Variants in MYT1L observed in about 807,000 individuals in gnomAD.
MYT1L encodes the protein myelin transcription factor 1-like protein.
MYT1L carries 12 observed loss-of-function variants against 126.7 expected under a neutral mutation model. That is an observed-to-expected ratio of 0.09 (90% CI 0.06 to 0.15). The LOEUF is 0.15. MYT1L is among the 10% of genes least tolerant of loss of function. MYT1L has a pLI of 1.00. For synonymous variants in MYT1L, 541 were observed against 604.2 expected, an observed-to-expected ratio of 0.90 and a Z score of 1.53; for missense variants, 979 against 1,585.2, an observed-to-expected ratio of 0.62 and a Z score of 6.49.
chr2:2,060,005 G>A (rs1990854), intron 3 of MYT1L, among the ~76,000 whole-genome samples: 1,921 of 152,306 alleles, frequency 0.013, 39 homozygotes, highest in African/African-American at 0.044. Context: ...CCAGAACTGG[G>A]CCCACTGCAG....
intron 3 of MYT1L, among the ~76,000 whole-genome samples, chr2:2,138,155 C>T (rs554269857): frequency 6.6e-6 from 1 of 152,282 alleles, no homozygotes; most frequent in South Asian, 2.1e-4. Context: ...TATCATCTCA[C>T]ACCAGTTAGA....
At chr2:2,031,568 G>A (rs1166153310) in intron 4 of MYT1L, among the ~76,000 whole-genome samples, 1 of 147,560 alleles carries the variant, frequency 6.8e-6, no homozygotes, top group Non-Finnish European at 1.5e-5. Context: ...TCTAGAAGGA[G>A]GGCCTTACAC....
chr2:1,791,744 T>C lies in MYT1L; in HGVS notation c.*123A>G. The stretch of plus-strand genomic sequence containing the variant: ...AAGACATAAAATCATTATGAAGTCT[T>C]GTAAGCATAACACTGTTTCAAATTC... On this transcript the variant is annotated 3_prime_UTR_variant, in exon 25 of 25. Transcript: ENST00000647738. This position sits in a 1 kb window ranked among gnomAD's most constrained non-coding sequence, Gnocchi z 6.0. The C allele has an allele frequency of 2.0e-6, 2 of 998,918 alleles. No homozygotes were observed. Among genetic ancestry groups the C allele is most frequent in the Non-Finnish European group, 2.8e-6 (2 of 702,534 alleles). The allele number at this position is 998,918 out of a possible 1,614,324, so 61.9% of individuals were successfully genotyped here. A position where few individuals can be genotyped will look rare whatever the true frequency, so the allele number is the denominator to read the frequency against.
At chr2:2,169,809 T>A (rs1218961598) in intron 3 of MYT1L, among the ~76,000 whole-genome samples, 2 of 152,160 alleles carry the variant, frequency 1.3e-5, no homozygotes, top group African/African-American at 4.8e-5. Context: ...GAAGATGTTT[T>A]CTTTTGGCTT....
chr2:1,818,371 G>A (rs1195657114), intron 21 of MYT1L, among the ~76,000 whole-genome samples: 4 of 152,052 alleles, frequency 2.6e-5, no homozygotes, highest in Non-Finnish European at 5.9e-5. Context: ...ACACAGCCAG[G>A]GGCAAACAGT....
At chr2:2,226,838 A>G (rs1222896021) in intron 2 of MYT1L, among the ~76,000 whole-genome samples, 1 of 152,124 alleles carries the variant, frequency 6.6e-6, no homozygotes, top group Non-Finnish European at 1.5e-5. Flanking sequence ...GCCAGGGTGG[A>G]CTTCATGGTC....
intron 3 of MYT1L, among the ~76,000 whole-genome samples, chr2:2,135,037 C>A (rs1301476013): frequency 6.6e-6 from 1 of 152,156 alleles, no homozygotes; most frequent in Non-Finnish European, 1.5e-5. Context: ...AAATTCAGTT[C>A]CCTTCTCTGC....
intron 3 of MYT1L, among the ~76,000 whole-genome samples, chr2:2,154,589 AT>A (rs2086402464): frequency 1.3e-5 from 2 of 152,228 alleles, no homozygotes; most frequent in Admixed American, 6.5e-5. Flanking sequence ...AGAAAACCAA[AT>A]ACCGCATGTT....
chr2:2,156,096 T>C (rs992847169), intron 3 of MYT1L, among the ~76,000 whole-genome samples: 6 of 152,212 alleles, frequency 3.9e-5, no homozygotes, highest in Non-Finnish European at 8.8e-5. Context: ...TTACCTTAAA[T>C]GTGTTCTTCC....
intron 1 of MYT1L, among the ~76,000 whole-genome samples, chr2:2,296,786 A>G (rs779652895): frequency 9.9e-5 from 15 of 152,176 alleles, no homozygotes; most frequent in Non-Finnish European, 1.9e-4. Flanking sequence ...TGGAGACACC[A>G]TACAGTGCAC....
intron 8 of MYT1L, among the ~76,000 whole-genome samples, chr2:1,948,593 T>C (rs1182893252): frequency 2.0e-5 from 3 of 152,220 alleles, no homozygotes; most frequent in Non-Finnish European, 4.4e-5. Context: ...CCTGCCCTCG[T>C]ATTCTGTGAA....
intron 4 of MYT1L, among the ~76,000 whole-genome samples, chr2:2,039,667 C>T (rs1406049897): frequency 6.6e-6 from 1 of 152,200 alleles, no homozygotes; most frequent in Non-Finnish European, 1.5e-5. Flanking sequence ...ACAACTTTAA[C>T]AGAAGACTGG....
At chr2:2,248,521 C>T (rs1488879909) in intron 2 of MYT1L, among the ~76,000 whole-genome samples, 2 of 151,988 alleles carry the variant, frequency 1.3e-5, no homozygotes, top group Non-Finnish European at 2.9e-5. Context: ...TTCCAAACTC[C>T]TTCTATGAGG....
chr2:2,224,859 T>A lies in MYT1L; in HGVS notation c.-420-51871A>T, dbSNP rs1274370420. On this transcript the variant is annotated intron_variant, in intron 2 of 24. Transcript: ENST00000647738. The surrounding 1 kb of genome is among the most constrained non-coding windows in gnomAD (Gnocchi z 4.0). ...AAAGGAAAATAAATGTTTCAAATCC[T>A]TGAGAAAGGTCTTAACCAGGGCTAG... 6.6e-6 allele frequency among the ~76,000 whole-genome samples: 1 copy of A among 151,900 alleles called. No homozygotes were observed. The highest frequency in any genetic ancestry group is 1.5e-5 in the Non-Finnish European group (1 of 67,960).
chr2:1,971,142 T>C (rs1254948487), intron 8 of MYT1L, among the ~76,000 whole-genome samples: 1 of 152,180 alleles, frequency 6.6e-6, no homozygotes, highest in Non-Finnish European at 1.5e-5. Flanking sequence ...ATCAGGCCAC[T>C]GCACTCCAGC....
intron 4 of MYT1L, among the ~76,000 whole-genome samples, chr2:2,046,937 A>G (rs984841303): frequency 6.6e-6 from 1 of 152,214 alleles, no homozygotes; most frequent in Non-Finnish European, 1.5e-5. Flanking sequence ...TTATGGTGTC[A>G]TGAGTTTGAG....
chr2:1,839,170 C>T lies in MYT1L; in HGVS notation c.3059G>A (p.Gly1020Asp). ...TCACCTGCGGTGTGTGAGGAAGCTG[C>T]CGCTGACGTGGCCTGAGCCGTCGCA... is the stretch of plus-strand genomic sequence containing the variant. The part of the protein sequence containing the change: ...PGCDGSGHVS[G>D]SFLTHRSLSG... The change falls in exon 21 of 25, where the codon GGC becomes GAC. Residue 1020 changes from glycine to aspartate, a missense_variant. This residue lies in a region of MYT1L where 179 missense variants were observed against 398.6 expected (regional missense o/e 0.45). Transcript: ENST00000647738. The T allele has an allele frequency of 6.2e-7, 1 of 1,612,692 alleles. No individual in the cohort carries two copies. Among genetic ancestry groups the T allele is most frequent in the Non-Finnish European group, 8.5e-7 (1 of 1,179,700 alleles).
Position 2,139,979 on chromosome 2 carries a change from T to C in MYT1L, c.-304+32893A>G, listed in dbSNP as rs117133206. 5.1e-4 allele frequency among the ~76,000 whole-genome samples: 77 copies of C among 152,330 alleles called. No individual in the cohort carries two copies. In the East Asian group the frequency reaches 0.014, roughly 27 times the overall value. ...TCGGTCAAAACTTTTGCATCATGTA[T>C]TAAAAATTATAAAGCACAACATGAT... On this transcript the variant is annotated intron_variant, in intron 3 of 24. Transcript: ENST00000647738.
At chr2:2,270,065 A>T (rs947136112) in intron 2 of MYT1L, among the ~76,000 whole-genome samples, 17 of 152,278 alleles carry the variant, frequency 1.1e-4, no homozygotes, top group Middle Eastern at 3.4e-3. Context: ...TTAGGTCAAG[A>T]GCGTGGCGTC....
Sources: gnomAD v4.1 joint callset for allele counts (sites outside exome capture counted in the v4.1 genomes callset) on GRCh38, gnomAD v4.1.1 for gene constraint, gnomAD v4.1.1 regional missense constraint, Gnocchi (gnomAD v3.1) non-coding constraint, MANE v1.5 for transcripts, NCBI Gene and HGNC (gene_info 2026-07-23, HGNC 2026-07-21) for gene names.